CYREN: variants seen among roughly 807,000 people sequenced by gnomAD.
The protein encoded by CYREN is cell cycle regulator of NHEJ, also known as cell cycle regulator of non-homologous end joining.
A neutral mutation model predicts 9.7 loss-of-function variants in CYREN; 7 were observed. The ratio of observed to expected loss-of-function variants is 0.72; its 90% CI spans 0.41 to 1.36. The LOEUF (loss-of-function observed/expected upper bound fraction) is 1.36. Ranked by LOEUF, CYREN falls within the 40% of genes most tolerant of loss-of-function variation. CYREN has a pLI of 0.01. For synonymous variants in CYREN, 76 were observed against 77.9 expected (o/e 0.98, Z 0.13); for missense variants, 215 against 198.1 (o/e 1.09, Z -0.51).
chr7:135,170,009 G>C (rs555217203), intron 1 of CYREN, among the ~76,000 whole-genome samples: 1 of 152,342 alleles, frequency 6.6e-6, no homozygotes, highest in Non-Finnish European at 1.5e-5. Flanking sequence ...TACCCCCTAA[G>C]GCGCCTCCCA....
At chr7:135,101,320 AG>A (rs1395654413) in intron 2 of CYREN, 1 of 452,960 alleles carries the variant, frequency 2.2e-6, no homozygotes, top group South Asian at 1.6e-5. Flanking sequence ...ATGCATACAA[AG>A]ATGGTTTTCA....
rs149253436 is a variant in CYREN, at chr7:135,166,442, G to C, written c.*169C>G. 299 of 1,070,816 alleles carry C rather than the reference G, an allele frequency of 2.8e-4. No homozygotes were observed. The East Asian group carries it at 6.0e-3, about 21-fold the overall frequency. 66.3% of individuals were successfully genotyped at this position (1,070,816 alleles called of 1,614,324 possible). On this transcript the variant is annotated 3_prime_UTR_variant, in exon 4 of 4. Transcript: ENST00000393114. ...ACTCAGAACGGCAGCCCCAAGGCCC[G>C]GAGTGTCCAGGGGCTTCTGGCCTGA...
downstream of CYREN, chr7:135,164,390 T>G: frequency 1.3e-6 from 2 of 1,528,082 alleles, no homozygotes; most frequent in Non-Finnish European, 1.8e-6. Flanking sequence ...AAGGGAGAGA[T>G]GGACTGACTG....
chr7:135,166,944 C>A (rs751867422), intron 3 of CYREN, 73 bp from the exon 4 acceptor site: 12 of 1,563,864 alleles, frequency 7.7e-6, no homozygotes, highest in Non-Finnish European at 1.0e-5. Flanking sequence ...GTCAGTAACA[C>A]AGGATGTATC....
At chr7:135,107,265 AG>A (rs1585154400) in intron 2 of CYREN, among the ~76,000 whole-genome samples, 1 of 151,916 alleles carries the variant, frequency 6.6e-6, no homozygotes, top group Admixed American at 6.6e-5. Context: ...GCTTTGAAGG[AG>A]GTTTGCTCCT....
chr7:135,141,157 G>C (rs1829445949), intron 2 of CYREN, among the ~76,000 whole-genome samples: 1 of 151,996 alleles, frequency 6.6e-6, no homozygotes, highest in African/African-American at 2.4e-5. Flanking sequence ...TGTATGTCTG[G>C]TAGAATTCAG....
chr7:135,103,477 C>T (rs544361691), intron 2 of CYREN, among the ~76,000 whole-genome samples: 1 of 152,224 alleles, frequency 6.6e-6, no homozygotes, highest in South Asian at 2.1e-4. Flanking sequence ...TCTTAATATG[C>T]ATGCTTTTTT....
At chr7:135,154,881 A>C (rs147442968) in intron 2 of CYREN, among the ~76,000 whole-genome samples, 3 of 152,278 alleles carry the variant, frequency 2.0e-5, no homozygotes, top group African/African-American at 7.2e-5. Context: ...ATTTAAGTAC[A>C]ATGTTTCTTT....
At chr7:135,167,503 T>C (rs1220155449) in intron 3 of CYREN, 1 of 1,408,888 alleles carries the variant, frequency 7.1e-7, no homozygotes, top group Non-Finnish European at 9.2e-7. Flanking sequence ...ACGCCCTCCC[T>C]AACACACGCA....
At chr7:135,140,045 G>T (rs1477853130) in intron 2 of CYREN, among the ~76,000 whole-genome samples, 1 of 151,402 alleles carries the variant, frequency 6.6e-6, no homozygotes, top group East Asian at 1.9e-4. Flanking sequence ...GGCAATTCAG[G>T]CTCTTTTTTG....
intron 2 of CYREN, among the ~76,000 whole-genome samples, chr7:135,117,752 T>C (rs1826533311): frequency 1.3e-5 from 2 of 152,218 alleles, no homozygotes; most frequent in Admixed American, 6.5e-5. Flanking sequence ...TATACACCTA[T>C]ATCAGATACT....
chr7:135,128,666 C>T, intron 2 of CYREN: 1 of 1,094,246 alleles, frequency 9.1e-7, no homozygotes, highest in African/African-American at 1.6e-5. Context: ...AGGAAGAGAC[C>T]CTAGTATACC....
At chr7:135,132,114 A>G (rs925846773) in intron 2 of CYREN, among the ~76,000 whole-genome samples, 1 of 152,210 alleles carries the variant, frequency 6.6e-6, no homozygotes, top group South Asian at 2.1e-4. Flanking sequence ...ATTAATACCA[A>G]TTCTATACAA....
intron 2 of CYREN, chr7:135,101,151 T>C (rs1449515823): frequency 2.2e-6 from 1 of 455,856 alleles, no homozygotes; most frequent in Non-Finnish European, 4.4e-6. Context: ...GAGAGGCCAA[T>C]CTAGGAAAAA....
At chr7:135,092,840 C>T (rs1822054915) in exon 3 of CYREN, 2 of 151,392 alleles carry the variant, frequency 1.3e-5, no homozygotes, top group Non-Finnish European at 3.0e-5. Flanking sequence ...AGGATTTATC[C>T]CAGAAATGCA....
At chr7:135,121,535 T>C (rs1451705330) in intron 2 of CYREN, among the ~76,000 whole-genome samples, 3 of 137,798 alleles carry the variant, frequency 2.2e-5, no homozygotes, top group Non-Finnish European at 4.7e-5. Context: ...TAGAAATCAA[T>C]AGCCAAAGGG....
intron 2 of CYREN, among the ~76,000 whole-genome samples, chr7:135,144,562 G>C (rs995239149): frequency 6.6e-6 from 1 of 151,910 alleles, no homozygotes; most frequent in African/African-American, 2.4e-5. Flanking sequence ...ACCAGTGAAA[G>C]AGACAGTAAG....
chr7:135,163,672 T>C (rs1331824031), downstream of CYREN, among the ~76,000 whole-genome samples: 1 of 152,160 alleles, frequency 6.6e-6, no homozygotes, highest in African/African-American at 2.4e-5. Context: ...CAAAAACGTC[T>C]AAGTTTTCTA....
chr7:135,148,442 TA>T (rs1313422878), intron 2 of CYREN, among the ~76,000 whole-genome samples: 1 of 152,236 alleles, frequency 6.6e-6, no homozygotes, highest in Admixed American at 6.5e-5. Context: ...CTACATAATC[TA>T]CCCCCTTTAC....
Sources: allele counts gnomAD v4.1 joint callset (sites outside exome capture counted in the v4.1 genomes callset), GRCh38; gene constraint gnomAD v4.1.1; transcripts MANE v1.5; gene names NCBI Gene and HGNC (gene_info 2026-07-23, HGNC 2026-07-21).